The following BCAR3 variants were observed in gnomAD, a reference collection of about 807,000 sequenced individuals.
BCAR3 encodes the protein BCAR3 adaptor protein, NSP family member, also known as breast cancer anti-estrogen resistance protein 3.
A neutral mutation model predicts 80.1 loss-of-function variants in BCAR3; 37 were observed. That is an observed-to-expected ratio of 0.46 (90% CI 0.36 to 0.61). The LOEUF is 0.61. Ranked by LOEUF, BCAR3 falls within the 20% of genes least tolerant of loss-of-function variation. The probability of loss-of-function intolerance (pLI) is 0.00; values close to 1 mark genes in which losing one functional copy is unlikely to be tolerated. For synonymous variants in BCAR3, 389 were observed against 418.9 expected (o/e 0.93, Z 0.87); for missense variants, 978 against 1,068.2 (o/e 0.92, Z 1.18).
chr1:93,810,330 C>A (rs1334341337), intron 2 of BCAR3, among the ~76,000 whole-genome samples: 1 of 152,050 alleles, frequency 6.6e-6, no homozygotes, highest in African/African-American at 2.4e-5. Flanking sequence ...ACCACACACA[C>A]ACAAAAAGAC....
chr1:93,635,313 T>C (rs1675746252), intron 3 of BCAR3, among the ~76,000 whole-genome samples: 1 of 151,656 alleles, frequency 6.6e-6, no homozygotes, highest in Non-Finnish European at 1.5e-5. Context: ...TGAAGGACTT[T>C]GGGGTTGTCT....
chr1:93,691,002 A>C (rs541366749), intron 3 of BCAR3, among the ~76,000 whole-genome samples: 2 of 152,346 alleles, frequency 1.3e-5, no homozygotes, highest in South Asian at 4.2e-4. Flanking sequence ...AACCGAGTCC[A>C]ATTAAACCAT....
chr1:93,603,427 C>T (rs542023874), intron 3 of BCAR3, among the ~76,000 whole-genome samples: 26 of 152,236 alleles, frequency 1.7e-4, no homozygotes, highest in Non-Finnish European at 3.4e-4. Context: ...TCAAGAGGCA[C>T]TCTACAGGCC....
intron 2 of BCAR3, among the ~76,000 whole-genome samples, chr1:93,736,367 T>G (rs1171434046): frequency 6.6e-6 from 1 of 152,198 alleles, no homozygotes; most frequent in Non-Finnish European, 1.5e-5. Context: ...TTTTGTATTT[T>G]TAGTAGAAAC....
In BCAR3 at chr1:93,584,190, A is replaced by G. The variant is rs926529384; in HGVS notation, c.930-69T>C. The stretch of plus-strand genomic sequence containing the variant: ...TAAAATAAAACTTTTAGGCAATGCC[A>G]TGGGAACTTAAACAAAAACAAAAAA... On this transcript the variant is annotated intron_variant, in intron 5 of 11. Coordinates refer to ENST00000260502, the MANE Select transcript of BCAR3 (RefSeq NM_003567.4). 7.1e-6 allele frequency: 10 copies of G among 1,398,886 alleles called. No homozygotes were observed. The African/African-American group carries it at 1.3e-4, about 18-fold the overall frequency. The allele number at this position is 1,398,886 out of a possible 1,614,324, so 86.7% of individuals were successfully genotyped here. A position where few individuals can be genotyped will look rare whatever the true frequency, so the allele number is the denominator to read the frequency against.
At chr1:93,782,827 C>T (rs1652810003) in intron 2 of BCAR3, among the ~76,000 whole-genome samples, 1 of 152,146 alleles carries the variant, frequency 6.6e-6, no homozygotes, top group Non-Finnish European at 1.5e-5. Flanking sequence ...CTACATGAAG[C>T]TTAAGAACAT....
At position 93,592,137 on chromosome 1, in the gene BCAR3, A is replaced by C; in HGVS notation, c.486+128T>G. ...GAAGGGTCTAAATGAAGTCATTTTT[A>C]GAGTATTTGTTTTTGGTTACACAGG... On this transcript the variant is annotated intron_variant, in intron 4 of 11. Transcript: ENST00000260502. The surrounding 1 kb of genome is among the most constrained non-coding windows in gnomAD (Gnocchi z 4.8). 8 of 1,339,796 alleles carry C rather than the reference A, an allele frequency of 6.0e-6. No homozygotes were observed. Among genetic ancestry groups the C allele is most frequent in the Non-Finnish European group, 8.1e-6 (8 of 986,046 alleles). 83.0% of individuals were successfully genotyped at this position (1,339,796 alleles called of 1,614,324 possible). A position where few individuals can be genotyped will look rare whatever the true frequency, so the allele number is the denominator to read the frequency against.
chr1:93,828,842 G>A (rs899475766), intron 2 of BCAR3, among the ~76,000 whole-genome samples: 7 of 152,154 alleles, frequency 4.6e-5, no homozygotes, highest in Non-Finnish European at 1.0e-4. Flanking sequence ...ACAGGCGCAT[G>A]CTACCACACC....
intron 1 of BCAR3, among the ~76,000 whole-genome samples, chr1:93,676,950 C>T (rs1007282310): frequency 2.6e-5 from 4 of 152,222 alleles, no homozygotes; most frequent in African/African-American, 9.6e-5. Flanking sequence ...CAAGATTGTC[C>T]TAAAGTGTTC....
chr1:93,641,941 T>G (rs1675993194), intron 3 of BCAR3, among the ~76,000 whole-genome samples: 1 of 152,204 alleles, frequency 6.6e-6, no homozygotes, highest in Non-Finnish European at 1.5e-5. Context: ...TCCCTCTTAG[T>G]GTGAATATTC....
At chr1:93,651,286 T>G (rs1676319390) in intron 2 of BCAR3, among the ~76,000 whole-genome samples, 1 of 152,122 alleles carries the variant, frequency 6.6e-6, no homozygotes, top group Non-Finnish European at 1.5e-5. Flanking sequence ...TTCACCTCAC[T>G]TAAGGAAGTA....
At chr1:93,720,818 C>T (rs1650367881) in intron 2 of BCAR3, among the ~76,000 whole-genome samples, 1 of 152,196 alleles carries the variant, frequency 6.6e-6, no homozygotes, top group African/African-American at 2.4e-5. Flanking sequence ...CTTTGGCCTT[C>T]CTTGTGTCTT....
At chr1:93,572,377 C>G (rs1333569271) in intron 8 of BCAR3, among the ~76,000 whole-genome samples, 1 of 152,188 alleles carries the variant, frequency 6.6e-6, no homozygotes, top group Non-Finnish European at 1.5e-5. Flanking sequence ...TGTTCTCCAG[C>G]CCCACTCCAG....
intron 2 of BCAR3, among the ~76,000 whole-genome samples, chr1:93,651,994 G>A (rs993938225): frequency 3.3e-5 from 5 of 152,204 alleles, no homozygotes; most frequent in African/African-American, 1.2e-4. Context: ...GCCAAAAAAA[G>A]TTAGGCAAAC....
chr1:93,661,498 T>G (rs1647656124), intron 2 of BCAR3, among the ~76,000 whole-genome samples: 1 of 151,656 alleles, frequency 6.6e-6, no homozygotes, highest in Non-Finnish European at 1.5e-5. Flanking sequence ...AGCTTTTTTT[T>G]TTTTTTGAGA....
At chr1:93,846,265 GTA>G (rs1334111311) in intron 1 of BCAR3, among the ~76,000 whole-genome samples, 7 of 152,206 alleles carry the variant, frequency 4.6e-5, no homozygotes, top group Non-Finnish European at 1.0e-4. Flanking sequence ...GCAGGGGCGG[GTA>G]TGGGTGAAGC....
At chr1:93,765,811 C>T (rs112515355) in intron 2 of BCAR3, among the ~76,000 whole-genome samples, 17,685 of 151,662 alleles carry the variant, frequency 0.12, 1,421 homozygotes, top group African/African-American at 0.22. Context: ...GGACTATAGG[C>T]GCCCACCACC....
chr1:93,684,457 G>A (rs1418358305), upstream of BCAR3, among the ~76,000 whole-genome samples: 1 of 152,200 alleles, frequency 6.6e-6, no homozygotes, highest in Non-Finnish European at 1.5e-5. Flanking sequence ...TCCATGAGAA[G>A]TCAAGGAAAT....
At chr1:93,618,940 T>G (rs1343541750) in intron 3 of BCAR3, among the ~76,000 whole-genome samples, 49 of 131,274 alleles carry the variant, frequency 3.7e-4, no homozygotes, top group African/African-American at 1.2e-3. Context: ...TTTTTTTTTG[T>G]TTTTTTTTTT....
Sources: gnomAD v4.1 joint callset for allele counts (sites outside exome capture counted in the v4.1 genomes callset) on GRCh38, gnomAD v4.1.1 for gene constraint, Gnocchi (gnomAD v3.1) non-coding constraint, MANE v1.5 for transcripts, NCBI Gene and HGNC (gene_info 2026-07-23, HGNC 2026-07-21) for gene names.